Variants in CALN1 observed in about 807,000 individuals in gnomAD.
CALN1 encodes calcium-binding protein 8.
Under a neutral mutation model 30.6 loss-of-function variants are expected in CALN1, and 17 were observed. That is an observed-to-expected ratio of 0.56 (90% confidence interval 0.38 to 0.83). CALN1 has a LOEUF of 0.83. CALN1 is among the 40% of genes least tolerant of loss of function. The pLI is 0.00. For missense variants in CALN1, 291 were observed against 354.9 expected (o/e 0.82, Z 1.45); for synonymous variants, 156 against 131.4 (o/e 1.19, Z -1.28).
At chr7:72,407,286 A>AAGGTAGGT (rs1806764783) in intron 1 of CALN1, among the ~76,000 whole-genome samples, 1 of 152,152 alleles carries the variant, frequency 6.6e-6, no homozygotes, top group African/African-American at 2.4e-5. Context: ...TACCTTTTAA[A>AAGGTAGGT]GTTATTGTAA....
At position 72,216,944 on chromosome 7, in the gene CALN1, A is replaced by G. The variant is rs1175500040; in HGVS notation, c.244+61742T>C. Among the ~76,000 whole-genome samples, 3 of 151,756 alleles carry G rather than the reference A, an allele frequency of 2.0e-5. No individual in the cohort carries two copies. In the East Asian group the frequency reaches 5.8e-4, roughly 29 times the overall value. ...TTTTTTTAAGAGATGGGGTCTTGCT[A>G]TGTTGCCCAGACTGGTCTCAAACTC... On this transcript the variant is annotated intron_variant, in intron 3 of 6. Coordinates refer to ENST00000395275, the MANE Select transcript of CALN1 (RefSeq NM_031468.4).
intron 2 of CALN1, among the ~76,000 whole-genome samples, chr7:72,384,342 G>C (rs984152400): frequency 2.6e-5 from 4 of 152,138 alleles, no homozygotes; most frequent in African/African-American, 7.2e-5. Flanking sequence ...AACGTATGTT[G>C]ATTTCAACAA....
chr7:71,919,548 A>C (rs1794833783), intron 5 of CALN1, among the ~76,000 whole-genome samples: 1 of 152,222 alleles, frequency 6.6e-6, no homozygotes, highest in South Asian at 2.1e-4. Flanking sequence ...TAAAGAGAAT[A>C]TTACAATTTT....
intron 5 of CALN1, among the ~76,000 whole-genome samples, chr7:71,843,331 A>G (rs1316078744): frequency 6.6e-6 from 1 of 152,172 alleles, no homozygotes; most frequent in East Asian, 1.9e-4. Context: ...AGAGTAAAAA[A>G]TTTTAGGCCA....
intron 3 of CALN1, among the ~76,000 whole-genome samples, chr7:72,113,228 G>A (rs575244513): frequency 6.6e-6 from 1 of 152,186 alleles, no homozygotes; most frequent in Non-Finnish European, 1.5e-5. Flanking sequence ...GAGGAGGAGG[G>A]GTTGCATGAG....
chr7:72,403,518 A>G, intron 1 of CALN1, 76 bp from the exon 2 acceptor site: 1 of 563,190 alleles, frequency 1.8e-6, no homozygotes, highest in Non-Finnish European at 3.1e-6. Flanking sequence ...CCGCCTAAAT[A>G]ATTCACACCC....
At chr7:71,875,003 A>G (rs1179521617) in intron 5 of CALN1, among the ~76,000 whole-genome samples, 3 of 152,046 alleles carry the variant, frequency 2.0e-5, no homozygotes, top group Non-Finnish European at 4.4e-5. Flanking sequence ...CGTCTCTACT[A>G]AAAATACAAA....
chr7:72,409,241 G>A (rs576980582), intron 1 of CALN1, among the ~76,000 whole-genome samples: 139 of 151,322 alleles, frequency 9.2e-4, no homozygotes, highest in African/African-American at 3.2e-3. Flanking sequence ...TGATCTACCC[G>A]CCTCGGCCTC....
At chr7:72,351,257 C>A (rs1802903804) in intron 2 of CALN1, among the ~76,000 whole-genome samples, 1 of 151,992 alleles carries the variant, frequency 6.6e-6, no homozygotes, top group South Asian at 2.1e-4. Flanking sequence ...AATCCTAGCC[C>A]TTTGGGAGGC....
chr7:72,124,035 A>G (rs552846287), intron 3 of CALN1, among the ~76,000 whole-genome samples: 1 of 152,324 alleles, frequency 6.6e-6, no homozygotes, highest in South Asian at 2.1e-4. Context: ...TCTATCTACC[A>G]GAAATGTAAT....
chr7:72,423,875 A>C (rs983281961), intron 1 of CALN1, among the ~76,000 whole-genome samples: 1 of 143,568 alleles, frequency 7.0e-6, no homozygotes, highest in Non-Finnish European at 1.5e-5. Context: ...GAAGGAAGGG[A>C]GGGAGGAAAG....
At chr7:72,205,568 G>GTATATATATATATATATA (rs1253422246) in intron 3 of CALN1, among the ~76,000 whole-genome samples, 1 of 91,810 alleles carries the variant, frequency 1.1e-5, no homozygotes, top group African/African-American at 5.5e-5. Flanking sequence ...ATATATATAT[G>GTATATATATATATATATA]TATATATATA....
intron 5 of CALN1, among the ~76,000 whole-genome samples, chr7:71,938,887 G>T (rs576609907): frequency 2.0e-5 from 3 of 152,246 alleles, no homozygotes; most frequent in African/African-American, 7.2e-5. Flanking sequence ...GGGCCATGAG[G>T]CTTGAAAGAG....
In CALN1 at chr7:71,798,123, C is replaced by CAGAGAGAGAGAGAG. The variant is rs3973907; in HGVS notation, c.659-10235_659-10222dup. Among the ~76,000 whole-genome samples the CAGAGAGAGAGAGAG allele has an allele frequency of 5.6e-4, 40 of 71,046 alleles. 1 individual carries two copies. The highest frequency in any genetic ancestry group is 8.2e-4 in the Non-Finnish European group (32 of 38,854). 46.6% of individuals were successfully genotyped at this position (71,046 alleles called of 152,430 possible). The stretch of plus-strand genomic sequence containing the variant: ...AGACAGAGAGAGACAGAGACAGAGA[C>CAGAGAGAGAGAGAG]AGAGAGAGAGAGAGAGAGAGAGAGA... On this transcript the variant is annotated intron_variant, in intron 6 of 6. Transcript: ENST00000395275.
upstream of CALN1, among the ~76,000 whole-genome samples, chr7:72,413,245 CACAT>C (rs1302287698): frequency 1.3e-5 from 2 of 151,690 alleles, no homozygotes; most frequent in East Asian, 3.9e-4. Context: ...ACACACACCA[CACAT>C]ACACACATAT....
intron 2 of CALN1, among the ~76,000 whole-genome samples, chr7:72,390,098 TG>T (rs543174272): frequency 2.0e-5 from 3 of 151,986 alleles, no homozygotes; most frequent in Admixed American, 2.0e-4. Context: ...ACCTTTGCCC[TG>T]GGAAGACCTG....
intron 5 of CALN1, among the ~76,000 whole-genome samples, chr7:71,892,012 T>C (rs915443783): frequency 1.3e-5 from 2 of 152,024 alleles, no homozygotes; most frequent in Non-Finnish European, 2.9e-5. Flanking sequence ...ATTGATTATA[T>C]AGACTAGAAG....
intron 4 of CALN1, among the ~76,000 whole-genome samples, chr7:72,084,998 A>C (rs1805388099): frequency 6.6e-6 from 1 of 152,128 alleles, no homozygotes; most frequent in Non-Finnish European, 1.5e-5. Flanking sequence ...TGTCTATACT[A>C]CCTGCCCGTT....
Position 72,217,244 on chromosome 7 carries a change from C to A in CALN1, c.244+61442G>T, listed in dbSNP as rs555573624. ...AAATGGACAAGAGGGTTCCTGGAGACCAAGCACACCCCAGCCACTCCCCTG... is the reference window on the plus strand; with the variant it reads ...AAATGGACAAGAGGGTTCCTGGAGAACAAGCACACCCCAGCCACTCCCCTG... On this transcript the variant is annotated intron_variant, in intron 3 of 6. Coordinates refer to ENST00000395275, the MANE Select transcript of CALN1 (RefSeq NM_031468.4). 2.6e-5 allele frequency among the ~76,000 whole-genome samples: 4 copies of A among 152,154 alleles called. No homozygotes were observed. The South Asian group carries it at 8.3e-4, about 32-fold the overall frequency.
Sources: allele counts gnomAD v4.1 joint callset (sites outside exome capture counted in the v4.1 genomes callset), GRCh38; gene constraint gnomAD v4.1.1; transcripts MANE v1.5; gene names NCBI Gene and HGNC (gene_info 2026-07-23, HGNC 2026-07-21).